The following IMMP2L variants were observed in gnomAD, a reference collection of about 807,000 sequenced individuals.
IMMP2L encodes the protein inner mitochondrial membrane peptidase subunit 2.
IMMP2L carries 18 observed loss-of-function variants against 19.3 expected under a neutral mutation model. The ratio of observed to expected loss-of-function variants is 0.93; its 90% CI spans 0.64 to 1.38. IMMP2L has a LOEUF of 1.38. IMMP2L is among the 40% of genes most tolerant of loss of function. IMMP2L has a pLI of 0.00. For synonymous variants in IMMP2L, 76 were observed against 73.0 expected (o/e 1.04, Z -0.21); for missense variants, 233 against 218.2 (o/e 1.07, Z -0.43).
chr7:111,540,024 C>A lies in IMMP2L; in HGVS notation c.-2-18575G>T, dbSNP rs114300830. Reference sequence around the variant, plus strand: ...CAAGTTAATGATTCATAACAGAACACCAAAATAATCTAATTGAACAACAGA... The same window carrying A: ...CAAGTTAATGATTCATAACAGAACAACAAAATAATCTAATTGAACAACAGA... On this transcript the variant is annotated intron_variant, in intron 1 of 5. Transcript: ENST00000405709. Among the ~76,000 whole-genome samples the A allele has an allele frequency of 6.1e-3, 927 of 152,148 alleles. 11 individuals carry two copies. Among genetic ancestry groups the A allele is most frequent in the African/African-American group, 0.021 (869 of 41,524 alleles).
At chr7:111,491,718 T>G (rs1389118507) in intron 2 of IMMP2L, among the ~76,000 whole-genome samples, 1 of 152,110 alleles carries the variant, frequency 6.6e-6, no homozygotes, top group Non-Finnish European at 1.5e-5. Flanking sequence ...TCATTCAAAT[T>G]CTCTATCTCC....
At chr7:111,479,517 G>C (rs538938673) in intron 3 of IMMP2L, among the ~76,000 whole-genome samples, 4 of 151,910 alleles carry the variant, frequency 2.6e-5, no homozygotes, top group African/African-American at 9.7e-5. Context: ...CGGTTGATTT[G>C]CCTTGTGTTC....
At chr7:111,140,903 A>T (rs1689091557) in intron 3 of IMMP2L, among the ~76,000 whole-genome samples, 1 of 152,178 alleles carries the variant, frequency 6.6e-6, no homozygotes, top group African/African-American at 2.4e-5. Flanking sequence ...CATTTGAGAG[A>T]GCTGCTGGAA....
chr7:111,327,488 T>C (rs1005684375), intron 3 of IMMP2L, among the ~76,000 whole-genome samples: 8 of 151,710 alleles, frequency 5.3e-5, no homozygotes, highest in Non-Finnish European at 8.8e-5. Context: ...TGCGAGGTAC[T>C]GTAACCCACC....
intron 3 of IMMP2L, among the ~76,000 whole-genome samples, chr7:111,137,591 AT>A (rs1380413999): frequency 6.6e-6 from 1 of 152,220 alleles, no homozygotes; most frequent in African/African-American, 2.4e-5. Context: ...TAGGAAAAAA[AT>A]AATTTGATTT....
chr7:111,410,552 G>C (rs936083546), intron 3 of IMMP2L, among the ~76,000 whole-genome samples: 1 of 150,872 alleles, frequency 6.6e-6, no homozygotes, highest in Non-Finnish European at 1.5e-5. Flanking sequence ...AAATAAAAGG[G>C]AGGAAAATGT....
intron 5 of IMMP2L, among the ~76,000 whole-genome samples, chr7:110,749,788 C>G (rs1353535407): frequency 6.6e-6 from 1 of 152,034 alleles, no homozygotes; most frequent in African/African-American, 2.4e-5. Flanking sequence ...GGAAAAATAT[C>G]TAACGTAGAT....
rs1808457726 is a variant in IMMP2L at position 111,187,970 on chromosome 7, T to A, written c.240-224405A>T. On this transcript the variant is annotated intron_variant, in intron 3 of 5. Transcript: ENST00000405709. ...AAGGGAAAATGGATTTTTTGTTTTTTAAAGGAGGGCATGGGGATAGAGAAG... is the reference window on the plus strand; with the variant it reads ...AAGGGAAAATGGATTTTTTGTTTTTAAAAGGAGGGCATGGGGATAGAGAAG... Among the ~76,000 whole-genome samples the A allele has an allele frequency of 3.3e-5, 5 of 152,000 alleles. No homozygotes were observed. The South Asian group carries it at 1.0e-3, about 31-fold the overall frequency.
chr7:111,277,504 G>A (rs1397965350), intron 3 of IMMP2L, among the ~76,000 whole-genome samples: 2 of 151,176 alleles, frequency 1.3e-5, no homozygotes, highest in African/African-American at 4.9e-5. Flanking sequence ...GGCGGAGGTT[G>A]CAGTGAGCCG....
intron 5 of IMMP2L, among the ~76,000 whole-genome samples, chr7:110,776,711 C>G (rs1469762023): frequency 6.6e-6 from 1 of 151,992 alleles, no homozygotes; most frequent in African/African-American, 2.4e-5. Flanking sequence ...ATATCTTCCA[C>G]TTATCCTCAA....
chr7:111,415,742 T>C (rs1834902155), intron 3 of IMMP2L, among the ~76,000 whole-genome samples: 1 of 151,620 alleles, frequency 6.6e-6, no homozygotes, highest in Admixed American at 6.6e-5. Context: ...CAACAACAAA[T>C]CTATCAGGAA....
chr7:110,696,834 C>G (rs564081505), intron 5 of IMMP2L, among the ~76,000 whole-genome samples: 2 of 151,874 alleles, frequency 1.3e-5, no homozygotes, highest in Non-Finnish European at 2.9e-5. Flanking sequence ...ATTGGGGGGA[C>G]GGATGGGTAA....
At chr7:111,250,173 A>G (rs1587033319) in intron 3 of IMMP2L, among the ~76,000 whole-genome samples, 1 of 152,278 alleles carries the variant, frequency 6.6e-6, no homozygotes, top group East Asian at 1.9e-4. Context: ...CAAAGAGAAT[A>G]AAATACCTAG....
chr7:111,105,360 G>A (rs546576191), intron 3 of IMMP2L, among the ~76,000 whole-genome samples: 2 of 151,932 alleles, frequency 1.3e-5, no homozygotes, highest in Non-Finnish European at 2.9e-5. Context: ...TGCATCCAAA[G>A]AATGGAATAC....
intron 3 of IMMP2L, among the ~76,000 whole-genome samples, chr7:111,351,372 G>C (rs909502266): frequency 2.0e-4 from 31 of 152,028 alleles, no homozygotes; most frequent in African/African-American, 7.5e-4. Context: ...TGTATTTTTA[G>C]TAGAGACGGG....
At chr7:110,943,154 G>T (rs542898324) in intron 4 of IMMP2L, among the ~76,000 whole-genome samples, 1 of 152,120 alleles carries the variant, frequency 6.6e-6, no homozygotes, top group Admixed American at 6.6e-5. Flanking sequence ...TCCTCCAAGG[G>T]TTTCTCCAGC....
intron 3 of IMMP2L, among the ~76,000 whole-genome samples, chr7:111,200,800 A>T (rs529297307): frequency 1.3e-5 from 2 of 152,274 alleles, no homozygotes; most frequent in African/African-American, 4.8e-5. Context: ...AATAAAAGGA[A>T]TTCCACAAAC....
intron 1 of IMMP2L, chr7:111,532,466 T>C (rs1847485891): frequency 6.6e-6 from 1 of 152,146 alleles, no homozygotes; most frequent in Non-Finnish European, 1.5e-5. Context: ...CTATCTATAC[T>C]AGAATGCAAA....
intron 5 of IMMP2L, among the ~76,000 whole-genome samples, chr7:110,880,351 A>C (rs1199235740): frequency 1.3e-5 from 2 of 152,070 alleles, no homozygotes; most frequent in African/African-American, 4.8e-5. Flanking sequence ...AGATTACCCA[A>C]CAAGTTTTCA....
Sources: gnomAD v4.1 joint callset for allele counts (sites outside exome capture counted in the v4.1 genomes callset) on GRCh38, gnomAD v4.1.1 for gene constraint, MANE v1.5 for transcripts, NCBI Gene and HGNC (gene_info 2026-07-23, HGNC 2026-07-21) for gene names.